Variants in FERMT2 observed in about 807,000 individuals in gnomAD.
FERMT2 encodes FERM domain containing kindlin 2.
FERMT2 carries 15 observed loss-of-function variants against 82.7 expected under a neutral mutation model. That is an observed-to-expected ratio of 0.18 (90% CI 0.12 to 0.28). The LOEUF (loss-of-function observed/expected upper bound fraction) is 0.28, where lower values mean the gene tolerates loss of function less well. Among genes scored for constraint, FERMT2 ranks in the 10% least tolerant of loss-of-function variants. The pLI is 1.00. For missense variants in FERMT2, 645 were observed against 809.4 expected, an observed-to-expected ratio of 0.80 and a Z score of 2.46; for synonymous variants, 274 against 271.5, an observed-to-expected ratio of 1.01 and a Z score of -0.09.
intron 12 of FERMT2, 23 bp from the exon 13 acceptor site, chr14:52,860,488 TTTACCATTGAACA>T: frequency 6.3e-7 from 1 of 1,598,160 alleles, no homozygotes; most frequent in Non-Finnish European, 8.5e-7. Flanking sequence ...AAACATCACC[TTTACCATTGAACA>T]TTATTCTCTC....
chr14:52,892,894 G>A (rs1038585274), intron 4 of FERMT2, among the ~76,000 whole-genome samples: 2 of 152,184 alleles, frequency 1.3e-5, no homozygotes, highest in Non-Finnish European at 2.9e-5. Context: ...AGAGAACTGG[G>A]CTTCCTCTTT....
intron 7 of FERMT2, among the ~76,000 whole-genome samples, chr14:52,877,712 G>A (rs1886055805): frequency 7.0e-6 from 1 of 143,468 alleles, no homozygotes; most frequent in South Asian, 2.3e-4. Context: ...TTTTGTTTGT[G>A]TTCTAAGGAA....
At chr14:52,950,032 G>A (rs1034089428) in intron 2 of FERMT2, among the ~76,000 whole-genome samples, 1 of 152,180 alleles carries the variant, frequency 6.6e-6, no homozygotes. Context: ...ATTCAGGTAT[G>A]CTGAAGACAT....
At chr14:52,866,489 TTATA>T (rs1029544621) in intron 10 of FERMT2, among the ~76,000 whole-genome samples, 5 of 152,166 alleles carry the variant, frequency 3.3e-5, no homozygotes, top group Admixed American at 6.5e-5. Flanking sequence ...TGTCTTCACA[TTATA>T]CATTCTCCTA....
chr14:52,920,914 C>T lies in FERMT2; in HGVS notation c.158-1558G>A, dbSNP rs566455193. On this transcript the variant is annotated intron_variant, in intron 2 of 14. Transcript: ENST00000341590. ...AGTGAGCTGTGATTGCACCACCGTA[C>T]TCCAGCCTGGGTGACAGAGCGAGAT... is the stretch of plus-strand genomic sequence containing the variant. 8.7e-4 allele frequency among the ~76,000 whole-genome samples: 132 copies of T among 151,294 alleles called. 2 individuals are homozygous for T. The South Asian group carries it at 0.014, about 16-fold the overall frequency.
Position 52,859,668 on chromosome 14 carries a change from T to C in FERMT2, c.1774A>G (p.Arg592Gly). The C allele has an allele frequency of 6.2e-7, 1 of 1,608,772 alleles. No individual in the cohort carries two copies. Among genetic ancestry groups the C allele is most frequent in the Non-Finnish European group, 8.5e-7 (1 of 1,177,274 alleles). ...GTGCTGGCATCCATCCGAATCAGTC[T>C]GTTGTATGCAATTCCAATAAGTTCT... ...KEELIGIAYN[R>G]LIRMDASTGD... Residue 592 changes from arginine (R) to glycine (G), a missense_variant, in exon 14 of 15, where the codon AGA (arginine) becomes GGA (glycine). Transcript: ENST00000341590.
chr14:52,944,570 C>A (rs17125968), intron 2 of FERMT2, among the ~76,000 whole-genome samples: 3,206 of 152,294 alleles, frequency 0.021, 79 homozygotes, highest in East Asian at 0.074. Flanking sequence ...CGAAGCCCCT[C>A]ATGTAAGCCA....
chr14:52,923,207 G>GA (rs898905493), intron 2 of FERMT2, among the ~76,000 whole-genome samples: 25 of 151,316 alleles, frequency 1.7e-4, no homozygotes, highest in Non-Finnish European at 2.8e-4. Flanking sequence ...GTGGGGGTTG[G>GA]GGGGGGAATC....
chr14:52,883,928 G>A (rs1295223037), intron 4 of FERMT2, among the ~76,000 whole-genome samples: 1 of 152,118 alleles, frequency 6.6e-6, no homozygotes, highest in Non-Finnish European at 1.5e-5. Context: ...AGTTTCCTGA[G>A]GCCTCCCCAG....
chr14:52,900,370 T>TACACATAAA (rs1887550286), intron 3 of FERMT2, among the ~76,000 whole-genome samples: 1 of 151,292 alleles, frequency 6.6e-6, no homozygotes, highest in South Asian at 2.1e-4. Context: ...ATAAATACTA[T>TACACATAAA]ACATATAAAA....
chr14:52,866,848 G>T (rs971175118), intron 10 of FERMT2, among the ~76,000 whole-genome samples: 1 of 152,106 alleles, frequency 6.6e-6, no homozygotes, highest in Admixed American at 6.6e-5. Flanking sequence ...TCCACGCAGT[G>T]CAAGAGGCAT....
intron 4 of FERMT2, among the ~76,000 whole-genome samples, chr14:52,887,459 G>GTAAC (rs1307994737): frequency 6.6e-6 from 1 of 151,932 alleles, no homozygotes; most frequent in Non-Finnish European, 1.5e-5. Context: ...ACCAGACTGG[G>GTAAC]TAACATAGCA....
At chr14:52,890,424 G>A (rs1201604925) in intron 4 of FERMT2, among the ~76,000 whole-genome samples, 3 of 48,808 alleles carry the variant, frequency 6.1e-5, no homozygotes, top group South Asian at 1.1e-3. Flanking sequence ...CGGCCTGGGC[G>A]ACAGAGTGAC....
At chr14:52,925,278 G>A (rs1889189255) in intron 2 of FERMT2, among the ~76,000 whole-genome samples, 3 of 152,170 alleles carry the variant, frequency 2.0e-5, no homozygotes, top group African/African-American at 7.2e-5. Flanking sequence ...AAGGCCAGGA[G>A]CGGTGGCTCA....
At position 52,860,325 on chromosome 14, in the gene FERMT2, G is replaced by A. The variant is rs1351786246; in HGVS notation, c.1727+16C>T. 16 of 1,612,498 alleles carry A rather than the reference G, an allele frequency of 9.9e-6. No homozygotes were observed. Among genetic ancestry groups the A allele is most frequent in the Non-Finnish European group, 1.2e-5 (14 of 1,179,384 alleles). On this transcript the variant is annotated intron_variant, in intron 13 of 14. Transcript: ENST00000341590. ...TGCAGATTAAGGTTTACACATAGAT[G>A]CTTAGAACCACTGACCTTGCAATGA...
At chr14:52,874,103 T>G (rs1885806947) in intron 9 of FERMT2, 74 bp downstream of exon 9, 4 of 940,756 alleles carry the variant, frequency 4.3e-6, no homozygotes, top group Non-Finnish European at 4.8e-6. Context: ...ACTTAACAGT[T>G]AGTTTCAATA....
intron 10 of FERMT2, among the ~76,000 whole-genome samples, chr14:52,867,680 G>T (rs1885369149): frequency 6.6e-6 from 1 of 152,082 alleles, no homozygotes; most frequent in African/African-American, 2.4e-5. Flanking sequence ...CTACAGGCTA[G>T]CTCCAAATAG....
At chr14:52,880,649 G>C (rs960004055) in intron 6 of FERMT2, among the ~76,000 whole-genome samples, 5 of 152,000 alleles carry the variant, frequency 3.3e-5, no homozygotes, top group African/African-American at 1.2e-4. Flanking sequence ...CGCCCACCTT[G>C]GGTTCTCAAA....
At chr14:52,905,215 G>A (rs904869362) in intron 3 of FERMT2, among the ~76,000 whole-genome samples, 1 of 149,858 alleles carries the variant, frequency 6.7e-6, no homozygotes. Context: ...AAAGAGTTGA[G>A]TGGAAAAACA....
Sources: allele counts gnomAD v4.1 joint callset (sites outside exome capture counted in the v4.1 genomes callset), GRCh38; gene constraint gnomAD v4.1.1; transcripts MANE v1.5; gene names NCBI Gene and HGNC (gene_info 2026-07-23, HGNC 2026-07-21).